The following CGRRF1 variants were observed in gnomAD, a reference collection of about 807,000 sequenced individuals.
CGRRF1 encodes cell growth regulator with RING finger domain protein 1.
A neutral mutation model predicts 37.2 loss-of-function variants in CGRRF1; 32 were observed. That is an observed-to-expected ratio of 0.86 (90% CI 0.65 to 1.16). CGRRF1 has a LOEUF of 1.16. Ranked by LOEUF, CGRRF1 falls within the 50% of genes most tolerant of loss-of-function variation. The pLI is 0.00. For synonymous variants in CGRRF1, 141 were observed against 140.3 expected, an observed-to-expected ratio of 1.00 and a Z score of -0.04; for missense variants, 391 against 382.6, an observed-to-expected ratio of 1.02 and a Z score of -0.18.
chr14:54,514,275 A>G (rs755141885), intron 1 of CGRRF1, among the ~76,000 whole-genome samples: 9 of 152,186 alleles, frequency 5.9e-5, no homozygotes, highest in Non-Finnish European at 1.3e-4. Flanking sequence ...ATATGTGAGG[A>G]TGGATTGTAA....
intron 2 of CGRRF1, among the ~76,000 whole-genome samples, chr14:54,525,355 C>A (rs531527473): frequency 4.6e-5 from 7 of 152,262 alleles, no homozygotes; most frequent in Admixed American, 6.5e-5. Context: ...ACCAGCCTTG[C>A]GAATGTTTGA....
At chr14:54,531,569 G>C (rs1023596373) in intron 4 of CGRRF1, among the ~76,000 whole-genome samples, 8 of 152,114 alleles carry the variant, frequency 5.3e-5, no homozygotes, top group Non-Finnish European at 7.4e-5. Context: ...GATCGAAAGT[G>C]CTCAATTTTA....
At position 54,530,885 on chromosome 14, in the gene CGRRF1, C is replaced by G; in HGVS notation, c.423-18C>G. 6.5e-7 allele frequency: 1 copy of G among 1,550,016 alleles called. No homozygotes were observed. Among genetic ancestry groups the G allele is most frequent in the South Asian group, 1.1e-5 (1 of 88,052 alleles). ...TCTTATGGTTATAGTGGCAATTTAC[C>G]TTTACATTTTCAAAAAGTATTAAAA... On this transcript the variant is annotated intron_variant, in intron 3 of 5. Coordinates refer to ENST00000216420, the MANE Select transcript of CGRRF1 (RefSeq NM_006568.3).
intron 2 of CGRRF1, among the ~76,000 whole-genome samples, chr14:54,523,414 A>G (rs1274323436): frequency 6.6e-6 from 1 of 152,238 alleles, no homozygotes; most frequent in East Asian, 1.9e-4. Flanking sequence ...AGGACCATAT[A>G]GGAACCATTA....
At chr14:54,533,582 A>G (rs1016108996) in intron 4 of CGRRF1, among the ~76,000 whole-genome samples, 1 of 151,834 alleles carries the variant, frequency 6.6e-6, no homozygotes, top group Non-Finnish European at 1.5e-5. Flanking sequence ...TTTCTTTTTC[A>G]TATGTGTTTT....
At position 54,530,234 on chromosome 14, in the gene CGRRF1, T is replaced by G. The variant is rs756988972; in HGVS notation, c.422+8T>G. ...CTATCAGGAACAGTATTTGTATCCT[T>G]TCGTCTGATATACCCATTAGCACTG... On this transcript the variant is annotated splice_region_variant and intron_variant, in intron 3 of 5. Transcript: ENST00000216420. The G allele has an allele frequency of 1.9e-6, 3 of 1,586,978 alleles. No individual in the cohort carries two copies. Among genetic ancestry groups the G allele is most frequent in the Non-Finnish European group, 2.6e-6 (3 of 1,158,752 alleles).
At chr14:54,525,341 T>C (rs1202197583) in intron 2 of CGRRF1, among the ~76,000 whole-genome samples, 2 of 152,150 alleles carry the variant, frequency 1.3e-5, no homozygotes, top group African/African-American at 4.8e-5. Flanking sequence ...TAGTCACAAA[T>C]AGAACCAGCC....
chr14:54,512,032 A>T (rs192903641), intron 1 of CGRRF1, among the ~76,000 whole-genome samples: 3,465 of 152,334 alleles, frequency 0.023, 93 homozygotes, highest in East Asian at 0.096. Flanking sequence ...GAAAACTTGG[A>T]CACCATCTAA....
intron 2 of CGRRF1, among the ~76,000 whole-genome samples, chr14:54,528,126 C>CT (rs1331528061): frequency 6.6e-6 from 1 of 151,632 alleles, no homozygotes; most frequent in African/African-American, 2.4e-5. Context: ...TTTTCTCTAC[C>CT]TTGCTTTTTT....
chr14:54,537,492 A>G (rs1190343531), intron 4 of CGRRF1: 4 of 302,908 alleles, frequency 1.3e-5, no homozygotes, highest in African/African-American at 2.2e-5. Flanking sequence ...TTTGAGTACA[A>G]TTAAAATAAC....
At chr14:54,532,124 GTGTT>G (rs1227063647) in intron 4 of CGRRF1, among the ~76,000 whole-genome samples, 13 of 152,190 alleles carry the variant, frequency 8.5e-5, no homozygotes, top group Non-Finnish European at 1.0e-4. Context: ...CTTTTTGTGT[GTGTT>G]TGTTTGTTTT....
At chr14:54,519,764 C>T (rs2032285060) in intron 1 of CGRRF1, among the ~76,000 whole-genome samples, 1 of 152,090 alleles carries the variant, frequency 6.6e-6, no homozygotes, top group African/African-American at 2.4e-5. Context: ...TGTTTCTTTG[C>T]TTTTTTTGGA....
intron 1 of CGRRF1, among the ~76,000 whole-genome samples, chr14:54,515,685 A>ATCC (rs2032203872): frequency 1.3e-5 from 2 of 152,166 alleles, no homozygotes; most frequent in African/African-American, 4.8e-5. Context: ...GATCCTGGTA[A>ATCC]TAGTCTTTGC....
At chr14:54,522,665 C>G in intron 2 of CGRRF1, 72 bp downstream of exon 2, 5 of 1,367,278 alleles carry the variant, frequency 3.7e-6, no homozygotes, top group Non-Finnish European at 5.0e-6. Flanking sequence ...TTTTCTTTCT[C>G]TATTTCTTTC....
rs748097604 is a variant in CGRRF1 at position 54,522,451 on chromosome 14, T to A, written c.105-3T>A. 1.3e-6 allele frequency: 2 copies of A among 1,539,108 alleles called. No individual in the cohort carries two copies. Among genetic ancestry groups the A allele is most frequent in the Admixed American group, 2.4e-5 (1 of 42,502 alleles). ...TAATATTTTATTTTTTACCTTTTTT[T>A]AGGTTTGGTTGGGATGTTCCAGTAA... On this transcript the variant is annotated splice_polypyrimidine_tract_variant and splice_region_variant and intron_variant, in intron 1 of 5. Transcript: ENST00000216420.
intron 1 of CGRRF1, among the ~76,000 whole-genome samples, chr14:54,518,211 C>T (rs1594648068): frequency 6.6e-6 from 1 of 152,126 alleles, no homozygotes; most frequent in East Asian, 1.9e-4. Flanking sequence ...CTGTCTTCCA[C>T]AATAGTTGAA....
intron 4 of CGRRF1, 29 bp from the exon 5 acceptor site, chr14:54,537,693 T>TACTG: frequency 1.3e-6 from 2 of 1,499,998 alleles, no homozygotes; most frequent in Non-Finnish European, 1.8e-6. Context: ...AGATTTTAAG[T>TACTG]ACTGACCAGT....
intron 4 of CGRRF1, among the ~76,000 whole-genome samples, chr14:54,532,232 C>A (rs1022363144): frequency 6.6e-6 from 1 of 152,006 alleles, no homozygotes; most frequent in Admixed American, 6.6e-5. Context: ...GAAATCTAGA[C>A]CCTTCTTACT....
intron 2 of CGRRF1, among the ~76,000 whole-genome samples, chr14:54,527,888 G>A (rs574317740): frequency 1.3e-5 from 2 of 151,944 alleles, no homozygotes; most frequent in East Asian, 1.9e-4. Context: ...CCACGGGTGC[G>A]TGCCACCATG....
Sources: gnomAD v4.1 joint callset for allele counts (sites outside exome capture counted in the v4.1 genomes callset) on GRCh38, gnomAD v4.1.1 for gene constraint, MANE v1.5 for transcripts, NCBI Gene and HGNC (gene_info 2026-07-23, HGNC 2026-07-21) for gene names.